LARGE1: variants seen among roughly 807,000 people sequenced by gnomAD.
The protein encoded by LARGE1 is LARGE xylosyl- and glucuronyltransferase 1, also known as xylosyl- and glucuronyltransferase LARGE1.
LARGE1 carries 43 observed loss-of-function variants against 87.6 expected under a neutral mutation model. The observed-to-expected ratio is 0.49, with a 90% CI of 0.38 to 0.63. LARGE1 has a LOEUF of 0.63. Ranked by LOEUF, LARGE1 falls within the 30% of genes least tolerant of loss-of-function variation. The pLI is 0.00. For missense variants in LARGE1, 802 were observed against 1,000.2 expected, an observed-to-expected ratio of 0.80 and a Z score of 2.67; for synonymous variants, 434 against 394.6, an observed-to-expected ratio of 1.10 and a Z score of -1.18.
At chr22:33,700,454 G>A (rs949340690) in intron 2 of LARGE1, among the ~76,000 whole-genome samples, 2 of 152,220 alleles carry the variant, frequency 1.3e-5, no homozygotes, top group African/African-American at 4.8e-5. Context: ...AAAGTGGTAT[G>A]TGTGTAAATG....
intron 9 of LARGE1, among the ~76,000 whole-genome samples, chr22:33,339,485 C>T (rs963603376): frequency 3.3e-5 from 5 of 151,924 alleles, no homozygotes; most frequent in South Asian, 2.1e-4. Context: ...GAGGAACATC[C>T]GTAACTCTAG....
the LARGE1 span, among the ~76,000 whole-genome samples, chr22:33,072,696 A>C: frequency 6.6e-6 from 1 of 152,148 alleles, no homozygotes; most frequent in Non-Finnish European, 1.5e-5. Flanking sequence ...AGTGTGGGTC[A>C]GTGATGGAGC....
At chr22:33,519,444 A>C (rs2071467317) in intron 6 of LARGE1, among the ~76,000 whole-genome samples, 1 of 152,124 alleles carries the variant, frequency 6.6e-6, no homozygotes. Flanking sequence ...TTTGCACCAG[A>C]AGGGGGCACT....
rs562695667 is a variant in LARGE1 at position 33,519,322 on chromosome 22, A to C, written c.787+45526T>G. Among the ~76,000 whole-genome samples, 176 of 152,102 alleles carry C rather than the reference A, an allele frequency of 1.2e-3. 1 individual carries two copies. Among genetic ancestry groups the C allele is most frequent in the African/African-American group, 4.1e-3 (171 of 41,498 alleles). On this transcript the variant is annotated intron_variant, in intron 6 of 14. Coordinates refer to ENST00000397394, the MANE Select transcript of LARGE1 (RefSeq NM_133642.5). ...ACCCAGGGGGGCTCCCTGGGGTTGG[A>C]GGGAGGAACAGCCAAGGCATAATTT... is the stretch of plus-strand genomic sequence containing the variant.
intron 12 of LARGE1, among the ~76,000 whole-genome samples, chr22:33,290,442 T>C (rs562729954): frequency 5.8e-4 from 89 of 152,250 alleles, no homozygotes; most frequent in African/African-American, 2.0e-3. Context: ...ACATGGAATA[T>C]CTATAAAATG....
At chr22:33,114,787 G>C in the LARGE1 span, among the ~76,000 whole-genome samples, 1 of 152,162 alleles carries the variant, frequency 6.6e-6, no homozygotes, top group African/African-American at 2.4e-5. Flanking sequence ...TAATCTCATA[G>C]AGTGGTAGTG....
the LARGE1 span, among the ~76,000 whole-genome samples, chr22:33,067,841 G>A: frequency 3.3e-5 from 5 of 152,106 alleles, no homozygotes; most frequent in African/African-American, 7.2e-5. Context: ...TTAGCCAGGC[G>A]TGGTGGCGGG....
chr22:33,456,771 G>C (rs1372184519), intron 6 of LARGE1, among the ~76,000 whole-genome samples: 1 of 152,184 alleles, frequency 6.6e-6, no homozygotes, highest in Non-Finnish European at 1.5e-5. Context: ...CTGCAACTCT[G>C]AGCTAATAGA....
the LARGE1 span, among the ~76,000 whole-genome samples, chr22:33,099,854 G>A: frequency 5.9e-4 from 90 of 152,284 alleles, no homozygotes; most frequent in Middle Eastern, 3.4e-3. Context: ...TTCCTATGAC[G>A]CTCTGGCCCG....
chr22:33,885,240 T>C (rs555512952), intron 1 of LARGE1, among the ~76,000 whole-genome samples: 3 of 152,338 alleles, frequency 2.0e-5, no homozygotes, highest in Admixed American at 2.0e-4. Context: ...CTCTATCACT[T>C]TTTAAGTTGC....
At position 33,337,755 on chromosome 22, in the gene LARGE1, T is replaced by A; in HGVS notation, c.1178A>T (p.His393Leu). 2.5e-6 allele frequency: 4 copies of A among 1,614,186 alleles called. No homozygotes were observed. Among genetic ancestry groups the A allele is most frequent in the Non-Finnish European group, 3.4e-6 (4 of 1,180,038 alleles). ...GTAGAGGTTGCGAAAAAACTCCACA[T>A]GCTTGTTCTTCACCCGGAGCTTCTT... ...SPKKLRVKNK[H>L]VEFFRNLYLT... Residue 393 changes from histidine (H) to leucine (L), a missense_variant, in exon 10 of 15, where the codon CAT (histidine) becomes CTT (leucine). Coordinates refer to ENST00000397394, the MANE Select transcript of LARGE1 (RefSeq NM_133642.5).
intron 6 of LARGE1, among the ~76,000 whole-genome samples, chr22:33,482,166 T>G (rs7286990): frequency 0.039 from 6,008 of 152,290 alleles, 374 homozygotes; most frequent in African/African-American, 0.14. Context: ...ATTATTTGGT[T>G]TGAGGTCAAA....
At chr22:33,740,106 C>G (rs2083822171) in intron 2 of LARGE1, among the ~76,000 whole-genome samples, 1 of 152,178 alleles carries the variant, frequency 6.6e-6, no homozygotes, top group African/African-American at 2.4e-5. Context: ...TCTCAGCACA[C>G]AGACCTTGAC....
chr22:33,228,468 C>A (rs1225711977), intron 11 of LARGE1, among the ~76,000 whole-genome samples: 1 of 152,238 alleles, frequency 6.6e-6, no homozygotes, highest in Non-Finnish European at 1.5e-5. Context: ...CCTGCAAACT[C>A]TTTCAAACAT....
intron 6 of LARGE1, among the ~76,000 whole-genome samples, chr22:33,554,880 C>T (rs1463014175): frequency 2.0e-5 from 3 of 152,198 alleles, no homozygotes; most frequent in Non-Finnish European, 4.4e-5. Flanking sequence ...AAATAGTTAT[C>T]GGGCACCTTC....
intron 1 of LARGE1, among the ~76,000 whole-genome samples, chr22:33,795,323 A>G (rs2085945054): frequency 6.6e-6 from 1 of 152,216 alleles, no homozygotes. Flanking sequence ...TACTACCACT[A>G]CTTACTTATA....
chr22:33,389,224 C>T lies in LARGE1; in HGVS notation c.893-4920G>A, dbSNP rs570014696. ...AGGCTTAGGCAAATGCCAGGACAGACGCCTGAACACACGCACAGGCAATAA... is the reference window on the plus strand; with the variant it reads ...AGGCTTAGGCAAATGCCAGGACAGATGCCTGAACACACGCACAGGCAATAA... On this transcript the variant is annotated intron_variant, in intron 7 of 14. Transcript: ENST00000397394. 1.4e-4 allele frequency among the ~76,000 whole-genome samples: 21 copies of T among 152,356 alleles called. No homozygotes were observed. In the East Asian group the frequency reaches 1.5e-3, roughly 11 times the overall value.
intron 2 of LARGE1, among the ~76,000 whole-genome samples, chr22:33,658,586 G>C (rs1157965616): frequency 6.6e-6 from 1 of 152,132 alleles, no homozygotes; most frequent in South Asian, 2.1e-4. Flanking sequence ...ATGGCTTCCA[G>C]CTTCATCCAT....
intron 6 of LARGE1, among the ~76,000 whole-genome samples, chr22:33,559,383 T>C (rs1411664748): frequency 1.3e-5 from 2 of 152,208 alleles, no homozygotes; most frequent in Admixed American, 1.3e-4. Flanking sequence ...GGTTTCGCCA[T>C]GTTGGCCAGG....
Sources: allele counts gnomAD v4.1 joint callset (sites outside exome capture counted in the v4.1 genomes callset), GRCh38; gene constraint gnomAD v4.1.1; transcripts MANE v1.5; gene names NCBI Gene and HGNC (gene_info 2026-07-23, HGNC 2026-07-21).